EXOC4: variants seen among roughly 807,000 people sequenced by gnomAD.
EXOC4 encodes SEC8-like 1.
A neutral mutation model predicts 107.2 loss-of-function variants in EXOC4; 71 were observed. The ratio of observed to expected loss-of-function variants is 0.66; its 90% confidence interval spans 0.55 to 0.81. The LOEUF is 0.81. Ranked by LOEUF, EXOC4 falls within the 30% of genes least tolerant of loss-of-function variation. EXOC4 has a pLI of 0.00. For missense variants in EXOC4, 1,108 were observed against 1,189.6 expected, an observed-to-expected ratio of 0.93 and a Z score of 1.01; for synonymous variants, 456 against 441.2, an observed-to-expected ratio of 1.03 and a Z score of -0.42.
intron 10 of EXOC4, among the ~76,000 whole-genome samples, chr7:133,784,968 C>T (rs1324755554): frequency 6.6e-6 from 1 of 152,214 alleles, no homozygotes; most frequent in Non-Finnish European, 1.5e-5. Context: ...TCTGCAGCTA[C>T]ATGACCACAG....
At position 133,589,816 on chromosome 7, in the gene EXOC4, A is replaced by G. The variant is rs559464992; in HGVS notation, c.1418-40229A>G. 2.0e-5 allele frequency among the ~76,000 whole-genome samples: 3 copies of G among 152,278 alleles called. No individual in the cohort carries two copies. In the South Asian group the frequency reaches 6.2e-4, roughly 32 times the overall value. ...GTCTTTTCCCTTCTGAAAACAAGTC[A>G]TCTATTTATAAACTGCTGATTTCTT... On this transcript the variant is annotated intron_variant, in intron 9 of 17. Coordinates refer to ENST00000253861, the MANE Select transcript of EXOC4 (RefSeq NM_021807.4).
intron 10 of EXOC4, among the ~76,000 whole-genome samples, chr7:133,674,679 T>G (rs1337085230): frequency 2.0e-5 from 3 of 152,198 alleles, no homozygotes; most frequent in African/African-American, 7.2e-5. Flanking sequence ...AAAGAACTTC[T>G]CCAGTTTATG....
At chr7:133,478,962 C>T (rs2150856364) in intron 8 of EXOC4, 1 of 152,254 alleles carries the variant, frequency 6.6e-6, no homozygotes, top group East Asian at 1.9e-4. Context: ...AAGTGTTTCC[C>T]TCACAGACTG....
intron 10 of EXOC4, among the ~76,000 whole-genome samples, chr7:133,685,522 A>C (rs1236031879): frequency 2.0e-5 from 3 of 152,174 alleles, no homozygotes; most frequent in Non-Finnish European, 4.4e-5. Context: ...GTAGTATGAA[A>C]ATGGACTAAT....
intron 12 of EXOC4, among the ~76,000 whole-genome samples, chr7:133,903,287 A>G (rs1473717135): frequency 1.3e-5 from 2 of 152,244 alleles, no homozygotes; most frequent in African/African-American, 2.4e-5. Flanking sequence ...ATGATCTTAC[A>G]TATATTTTAA....
chr7:133,699,288 GT>G (rs936619969), intron 10 of EXOC4, among the ~76,000 whole-genome samples: 3 of 152,018 alleles, frequency 2.0e-5, no homozygotes, highest in African/African-American at 4.8e-5. Context: ...CTGAGTCAGT[GT>G]TTTTTCCCCC....
At chr7:133,910,273 T>G (rs1351205434) in intron 12 of EXOC4, among the ~76,000 whole-genome samples, 1 of 152,198 alleles carries the variant, frequency 6.6e-6, no homozygotes, top group African/African-American at 2.4e-5. Flanking sequence ...ACAGTATAAT[T>G]TTTTTCTTCT....
intron 11 of EXOC4, among the ~76,000 whole-genome samples, chr7:133,854,396 G>A (rs913270406): frequency 2.8e-5 from 4 of 142,296 alleles, no homozygotes; most frequent in Non-Finnish European, 6.1e-5. Flanking sequence ...ACTGGGCTCA[G>A]TTGTTGAAAG....
At chr7:133,373,632 T>C (rs1054006918) in intron 6 of EXOC4, among the ~76,000 whole-genome samples, 1 of 152,198 alleles carries the variant, frequency 6.6e-6, no homozygotes, top group African/African-American at 2.4e-5. Context: ...ACCTTGTTAA[T>C]TGACACTGCT....
intron 10 of EXOC4, among the ~76,000 whole-genome samples, chr7:133,716,519 A>G (rs1795001758): frequency 6.6e-6 from 1 of 152,216 alleles, no homozygotes; most frequent in Admixed American, 6.5e-5. Context: ...TGAAAACATA[A>G]AATGGTTTTT....
At chr7:134,037,511 G>A (rs1479241147) in intron 17 of EXOC4, among the ~76,000 whole-genome samples, 4 of 152,164 alleles carry the variant, frequency 2.6e-5, no homozygotes, top group East Asian at 3.9e-4. Flanking sequence ...AATTCGTTTC[G>A]GCATACATTG....
At chr7:133,820,306 G>T (rs931927607) in intron 11 of EXOC4, among the ~76,000 whole-genome samples, 2 of 151,832 alleles carry the variant, frequency 1.3e-5, no homozygotes, top group Non-Finnish European at 2.9e-5. Context: ...AAGCAAACAA[G>T]GAGATGGTTA....
intron 10 of EXOC4, among the ~76,000 whole-genome samples, chr7:133,661,735 T>C (rs1019302190): frequency 2.7e-5 from 4 of 147,504 alleles, no homozygotes; most frequent in African/African-American, 1.0e-4. Flanking sequence ...GACTCTGTAT[T>C]TTAAAATACA....
intron 9 of EXOC4, among the ~76,000 whole-genome samples, chr7:133,613,641 T>C (rs895494221): frequency 1.3e-5 from 2 of 152,042 alleles, no homozygotes; most frequent in African/African-American, 4.8e-5. Context: ...TGATAGGTAC[T>C]ATACATTGAG....
intron 9 of EXOC4, among the ~76,000 whole-genome samples, chr7:133,495,967 A>G (rs1035638026): frequency 2.6e-5 from 4 of 152,124 alleles, no homozygotes; most frequent in African/African-American, 9.7e-5. Context: ...TATGGGCTCA[A>G]ATTTTTACCA....
chr7:133,646,591 GTACT>G (rs1033446405), intron 10 of EXOC4, among the ~76,000 whole-genome samples: 39 of 152,206 alleles, frequency 2.6e-4, no homozygotes, highest in African/African-American at 8.4e-4. Flanking sequence ...ATCCACATGT[GTACT>G]TACTTGGGAG....
chr7:133,947,106 C>A (rs745507586), intron 14 of EXOC4, among the ~76,000 whole-genome samples: 1 of 152,156 alleles, frequency 6.6e-6, no homozygotes, highest in Non-Finnish European at 1.5e-5. Flanking sequence ...CTAAATAGGT[C>A]TTCTCACCTG....
chr7:133,713,948 A>G (rs906946245), intron 10 of EXOC4, among the ~76,000 whole-genome samples: 1 of 152,142 alleles, frequency 6.6e-6, no homozygotes, highest in Non-Finnish European at 1.5e-5. Context: ...CTAGTACAGT[A>G]TCATAGAACA....
At chr7:134,062,041 G>A (rs915063599) in intron 17 of EXOC4, among the ~76,000 whole-genome samples, 1 of 152,098 alleles carries the variant, frequency 6.6e-6, no homozygotes, top group Admixed American at 6.6e-5. Flanking sequence ...TATATTCAGG[G>A]TCACCCTGGA....
Sources: allele counts gnomAD v4.1 joint callset (sites outside exome capture counted in the v4.1 genomes callset), GRCh38; gene constraint gnomAD v4.1.1; transcripts MANE v1.5; gene names NCBI Gene and HGNC (gene_info 2026-07-23, HGNC 2026-07-21).